BRD4: variants seen among roughly 807,000 people sequenced by gnomAD.
The protein encoded by BRD4 is bromodomain containing 4.
In BRD4, 16 loss-of-function variants were observed where a neutral mutation model predicts 142.1. The ratio of observed to expected loss-of-function variants is 0.11; its 90% confidence interval spans 0.08 to 0.17. The LOEUF is 0.17. Among genes scored for constraint, BRD4 ranks in the 10% least tolerant of loss-of-function variants. The pLI is 1.00. For missense variants in BRD4, 1,424 were observed against 1,810.9 expected, an observed-to-expected ratio of 0.79 and a Z score of 3.88; for synonymous variants, 833 against 707.5, an observed-to-expected ratio of 1.18 and a Z score of -2.82.
At chr19:15,320,918 C>CG (rs1014554666) in intron 1 of BRD4, among the ~76,000 whole-genome samples, 8 of 152,312 alleles carry the variant, frequency 5.3e-5, no homozygotes, top group African/African-American at 1.9e-4. Flanking sequence ...GCTCCAAGTT[C>CG]GGGGGTACAT....
intron 11 of BRD4, chr19:15,253,580 G>A (rs887218870): frequency 8.9e-6 from 14 of 1,581,744 alleles, no homozygotes; most frequent in East Asian, 4.6e-5. Flanking sequence ...ACACAGCAAC[G>A]AGCACACTCT....
intron 14 of BRD4, among the ~76,000 whole-genome samples, chr19:15,241,289 A>T (rs547475775): frequency 2.0e-5 from 3 of 152,324 alleles, no homozygotes; most frequent in African/African-American, 7.2e-5. Context: ...CTCCCACCCA[A>T]CTAGGGCAGT....
intron 1 of BRD4, among the ~76,000 whole-genome samples, chr19:15,328,843 G>C (rs1287096272): frequency 6.6e-6 from 1 of 152,158 alleles, no homozygotes; most frequent in Non-Finnish European, 1.5e-5. Context: ...GCATGACCTT[G>C]GCTCACCGCA....
At chr19:15,302,809 TCC>T (rs2047881846) in intron 1 of BRD4, among the ~76,000 whole-genome samples, 1 of 148,852 alleles carries the variant, frequency 6.7e-6, no homozygotes, top group African/African-American at 2.5e-5. Flanking sequence ...ATCGAGACCA[TCC>T]TGGCTAAAAC....
At chr19:15,246,860 G>A (rs1016047940) in intron 11 of BRD4, among the ~76,000 whole-genome samples, 1 of 152,150 alleles carries the variant, frequency 6.6e-6, no homozygotes, top group Non-Finnish European at 1.5e-5. Flanking sequence ...GGCGGCATGT[G>A]CACGGCAGAC....
intron 11 of BRD4, among the ~76,000 whole-genome samples, chr19:15,250,264 A>G (rs1437311452): frequency 6.6e-6 from 1 of 152,140 alleles, no homozygotes; most frequent in African/African-American, 2.4e-5. Flanking sequence ...TGCAGACAGA[A>G]AGGCTACTGC....
At chr19:15,264,362 G>A (rs769268458) in intron 6 of BRD4, 42 bp downstream of exon 6, 2 of 1,554,526 alleles carry the variant, frequency 1.3e-6, no homozygotes, top group Non-Finnish European at 1.7e-6. Flanking sequence ...TGGAGGGACA[G>A]CCTGCCCACC....
At chr19:15,320,607 C>G (rs1025278256) in intron 1 of BRD4, among the ~76,000 whole-genome samples, 1 of 152,168 alleles carries the variant, frequency 6.6e-6, no homozygotes, top group Non-Finnish European at 1.5e-5. Context: ...TTCCTGAACA[C>G]TTTAAGCTGG....
chr19:15,310,610 C>T (rs962079893), intron 1 of BRD4, among the ~76,000 whole-genome samples: 1 of 151,916 alleles, frequency 6.6e-6, no homozygotes. Context: ...CCGCCCGCCT[C>T]GGCCTCCCAA....
At chr19:15,266,818 T>G (rs1012858904) in intron 4 of BRD4, among the ~76,000 whole-genome samples, 1 of 152,172 alleles carries the variant, frequency 6.6e-6, no homozygotes, top group African/African-American at 2.4e-5. Flanking sequence ...AAGGACAAGA[T>G]GTAGCCAGTA....
rs1568376148 is a variant in BRD4 at position 15,239,574 on chromosome 19, T to C, written c.3446-52A>G. On this transcript the variant is annotated intron_variant, in intron 16 of 19. Transcript: ENST00000679869. This position sits in a 1 kb window ranked among gnomAD's most constrained non-coding sequence, Gnocchi z 7.4. ...TGGCCCACCTCACCCCAGTGGGGCATGGTCCACCAGCCCCACAGCAAGCTT... is the reference window on the plus strand; with the variant it reads ...TGGCCCACCTCACCCCAGTGGGGCACGGTCCACCAGCCCCACAGCAAGCTT... The C allele has an allele frequency of 5.7e-6, 9 of 1,572,398 alleles. No individual in the cohort carries two copies. Among genetic ancestry groups the C allele is most frequent in the Non-Finnish European group, 7.7e-6 (9 of 1,164,074 alleles).
Position 15,256,050 on chromosome 19 carries a change from C to T in BRD4, c.1751+14G>A, listed in dbSNP as rs750962403. On this transcript the variant is annotated intron_variant, in intron 9 of 19. Coordinates refer to ENST00000679869, the MANE Select transcript of BRD4 (RefSeq NM_001379291.1). ...GGAGGGTCCCCACCCAGGACAAATT[C>T]AGGGGACACAGACCTCACATTGCTG... 1.2e-6 allele frequency: 2 copies of T among 1,609,590 alleles called. No homozygotes were observed. The highest frequency in any genetic ancestry group is 1.7e-6 in the Non-Finnish European group (2 of 1,179,364).
intron 11 of BRD4, among the ~76,000 whole-genome samples, chr19:15,245,659 C>T (rs2047279561): frequency 6.6e-6 from 1 of 152,190 alleles, no homozygotes; most frequent in African/African-American, 2.4e-5. Flanking sequence ...TGGATGTCCC[C>T]TCACCAAACA....
At chr19:15,316,114 C>T (rs1815915990) in intron 1 of BRD4, among the ~76,000 whole-genome samples, 4 of 145,556 alleles carry the variant, frequency 2.7e-5, no homozygotes, top group African/African-American at 1.0e-4. Flanking sequence ...CGAGATCGCG[C>T]CACTGCACTC....
intron 1 of BRD4, among the ~76,000 whole-genome samples, chr19:15,299,047 C>G (rs895103235): frequency 1.3e-5 from 2 of 152,316 alleles, no homozygotes; most frequent in Admixed American, 1.3e-4. Flanking sequence ...TAAGTGGGCA[C>G]ATGGGGAGCA....
At chr19:15,282,230 C>CA (rs148256268) in intron 1 of BRD4, among the ~76,000 whole-genome samples, 5 of 152,046 alleles carry the variant, frequency 3.3e-5, no homozygotes, top group African/African-American at 1.2e-4. Flanking sequence ...CACTGTGTGC[C>CA]AAAAAAACTG....
intron 2 of BRD4, among the ~76,000 whole-genome samples, chr19:15,271,908 C>T (rs964283558): frequency 1.6e-5 from 2 of 122,790 alleles, no homozygotes; most frequent in African/African-American, 7.0e-5. Context: ...AAGGCCGCTC[C>T]TACACACCAG....
chr19:15,326,769 CCT>C (rs2048111815), intron 1 of BRD4, among the ~76,000 whole-genome samples: 1 of 152,186 alleles, frequency 6.6e-6, no homozygotes, highest in African/African-American at 2.4e-5. Context: ...CTGCCCTCAC[CCT>C]GACTCAGAAC....
At chr19:15,311,639 TAA>T (rs112632875) in intron 1 of BRD4, among the ~76,000 whole-genome samples, 1 of 141,052 alleles carries the variant, frequency 7.1e-6, no homozygotes, top group Non-Finnish European at 1.6e-5. Flanking sequence ...AAAAATACAT[TAA>T]AAAAAAAAAA....
Sources: gnomAD v4.1 joint callset for allele counts (sites outside exome capture counted in the v4.1 genomes callset) on GRCh38, gnomAD v4.1.1 for gene constraint, Gnocchi (gnomAD v3.1) non-coding constraint, MANE v1.5 for transcripts, NCBI Gene and HGNC (gene_info 2026-07-23, HGNC 2026-07-21) for gene names.